The following RALGAPA2 variants were observed in gnomAD, a reference collection of about 807,000 sequenced individuals.
RALGAPA2 encodes the protein ral GTPase-activating protein subunit alpha-2.
In RALGAPA2, 139 loss-of-function variants were observed where a neutral mutation model predicts 230.4. That is an observed-to-expected ratio of 0.60 (90% CI 0.53 to 0.69). The LOEUF is 0.69. Among genes scored for constraint, RALGAPA2 ranks in the 30% least tolerant of loss-of-function variants. The probability of loss-of-function intolerance (pLI) is 0.00; values close to 1 mark genes in which losing one functional copy is unlikely to be tolerated. For missense variants in RALGAPA2, 2,163 were observed against 2,276.0 expected (o/e 0.95, Z 1.01); for synonymous variants, 847 against 837.8 (o/e 1.01, Z -0.19).
intron 36 of RALGAPA2, among the ~76,000 whole-genome samples, chr20:20,487,056 C>T (rs1419313752): frequency 6.6e-6 from 1 of 152,130 alleles, no homozygotes; most frequent in Non-Finnish European, 1.5e-5. Context: ...AAAATCTCTG[C>T]CATATTTGAG....
chr20:20,710,611 A>G (rs911864055), intron 1 of RALGAPA2, among the ~76,000 whole-genome samples: 5 of 152,234 alleles, frequency 3.3e-5, no homozygotes, highest in African/African-American at 4.8e-5. Flanking sequence ...AACTGAGGTC[A>G]TGATGAGTTC....
At chr20:20,588,355 A>G (rs533105060) in intron 18 of RALGAPA2, among the ~76,000 whole-genome samples, 1 of 152,356 alleles carries the variant, frequency 6.6e-6, no homozygotes, top group African/African-American at 2.4e-5. Context: ...AACTGAGTAA[A>G]CAAAGCAACA....
chr20:20,394,791 G>C (rs139496644), intron 39 of RALGAPA2, among the ~76,000 whole-genome samples: 99 of 151,394 alleles, frequency 6.5e-4, no homozygotes, highest in African/African-American at 2.3e-3. Context: ...TTTAATCCAG[G>C]GTGTGGGGCA....
chr20:20,498,324 A>T (rs1415644565), intron 35 of RALGAPA2, among the ~76,000 whole-genome samples: 1 of 152,236 alleles, frequency 6.6e-6, no homozygotes, highest in African/African-American at 2.4e-5. Flanking sequence ...CTGGATACTT[A>T]TCAGGCTCAG....
At chr20:20,586,655 T>C (rs565892321) in intron 18 of RALGAPA2, among the ~76,000 whole-genome samples, 3 of 152,264 alleles carry the variant, frequency 2.0e-5, no homozygotes, top group South Asian at 2.1e-4. Flanking sequence ...TTACAAGATA[T>C]GCTTGAAAAG....
rs1170574489 is a variant in RALGAPA2, at chr20:20,536,671, TC to T, written c.3398del (p.Gly1133GlufsTer10). On this transcript the variant is annotated frameshift_variant, in exon 25 of 40. Coordinates refer to ENST00000202677, the MANE Select transcript of RALGAPA2 (RefSeq NM_020343.4). LOFTEE classifies it high-confidence loss of function. ...CGTTATGTACCTTGACATCTTCAGT[TC>T]CTGTAATGGCCTCATTTACTTCTGG... ...SVPEVNEAIT[G>X]TEDVKHYLIN... is the part of the protein sequence containing the mutation. 6 of 1,612,688 alleles carry T rather than the reference TC, an allele frequency of 3.7e-6. No individual in the cohort carries two copies. The highest frequency in any genetic ancestry group is 5.1e-6 in the Non-Finnish European group (6 of 1,178,906).
intron 37 of RALGAPA2, among the ~76,000 whole-genome samples, chr20:20,462,304 C>T (rs146419391): frequency 3.7e-4 from 57 of 152,264 alleles, no homozygotes; most frequent in African/African-American, 1.1e-3. Flanking sequence ...CTACTAGAAA[C>T]GAAAGCAGCT....
chr20:20,498,192 T>C (rs1347975418), intron 35 of RALGAPA2, among the ~76,000 whole-genome samples: 1 of 152,106 alleles, frequency 6.6e-6, no homozygotes, highest in Non-Finnish European at 1.5e-5. Flanking sequence ...GTTCGGTGAG[T>C]GCACACAAGT....
At chr20:20,676,197 C>T in intron 3 of RALGAPA2, 39 bp downstream of exon 3, 1 of 1,329,630 alleles carries the variant, frequency 7.5e-7, no homozygotes, top group Non-Finnish European at 1.0e-6. Flanking sequence ...TTATTTCCAA[C>T]AAGAATTATA....
At chr20:20,640,459 A>G (rs1360617315) in intron 6 of RALGAPA2, among the ~76,000 whole-genome samples, 2 of 152,190 alleles carry the variant, frequency 1.3e-5, no homozygotes, top group African/African-American at 2.4e-5. Flanking sequence ...TACTGCCAAC[A>G]TCTGTCCCCT....
chr20:20,549,375 C>A (rs1192225635), intron 23 of RALGAPA2, among the ~76,000 whole-genome samples: 1 of 152,148 alleles, frequency 6.6e-6, no homozygotes, highest in East Asian at 1.9e-4. Flanking sequence ...CTCAGCCAAT[C>A]ACTTCAACGG....
At chr20:20,535,504 T>G (rs1344698818) in intron 26 of RALGAPA2, among the ~76,000 whole-genome samples, 1 of 152,266 alleles carries the variant, frequency 6.6e-6, no homozygotes, top group Admixed American at 6.5e-5. Flanking sequence ...TTTGTAATCT[T>G]GCTTTTTCTC....
intron 13 of RALGAPA2, among the ~76,000 whole-genome samples, chr20:20,613,313 ATTTTCCTGC>A (rs2146297423): frequency 6.6e-6 from 1 of 152,208 alleles, no homozygotes; most frequent in East Asian, 1.9e-4. Flanking sequence ...AGGAGTGAGG[ATTTTCCTGC>A]ATTCTTCATT....
chr20:20,460,008 T>C (rs933630958), intron 37 of RALGAPA2, among the ~76,000 whole-genome samples: 7 of 152,192 alleles, frequency 4.6e-5, no homozygotes, highest in African/African-American at 1.7e-4. Flanking sequence ...TGAAGCCCCC[T>C]GAGGCCACTC....
chr20:20,512,224 T>TACACACACACACACATAC (rs2062728700), intron 32 of RALGAPA2, among the ~76,000 whole-genome samples: 1 of 137,708 alleles, frequency 7.3e-6, no homozygotes, highest in Non-Finnish European at 1.6e-5. Context: ...CAACCCCCCC[T>TACACACACACACACATAC]ACACACACAC....
chr20:20,460,281 C>T (rs1365720607), intron 37 of RALGAPA2, among the ~76,000 whole-genome samples: 1 of 152,210 alleles, frequency 6.6e-6, no homozygotes, highest in African/African-American at 2.4e-5. Flanking sequence ...AATAATCTGT[C>T]TTGGAGGGAT....
intron 20 of RALGAPA2, among the ~76,000 whole-genome samples, chr20:20,576,979 CT>C (rs1203622976): frequency 1.3e-5 from 2 of 152,070 alleles, no homozygotes; most frequent in Admixed American, 1.3e-4. Context: ...TTATTAGTTC[CT>C]TTTTTATTAA....
intron 1 of RALGAPA2, among the ~76,000 whole-genome samples, chr20:20,691,822 C>T (rs181927039): frequency 6.6e-6 from 1 of 152,238 alleles, no homozygotes; most frequent in East Asian, 1.9e-4. Context: ...GATATTTGTC[C>T]CCTCCAAATC....
At chr20:20,487,683 T>A (rs1229177290) in intron 36 of RALGAPA2, among the ~76,000 whole-genome samples, 1 of 151,620 alleles carries the variant, frequency 6.6e-6, no homozygotes, top group East Asian at 1.9e-4. Flanking sequence ...CTGAGGTGAG[T>A]GGATCACTTG....
Sources: gnomAD v4.1 joint callset for allele counts (sites outside exome capture counted in the v4.1 genomes callset) on GRCh38, gnomAD v4.1.1 for gene constraint, MANE v1.5 for transcripts, NCBI Gene and HGNC (gene_info 2026-07-23, HGNC 2026-07-21) for gene names.